AASDH: variants seen among roughly 807,000 people sequenced by gnomAD.
AASDH encodes aminoadipate-semialdehyde dehydrogenase.
AASDH carries 81 observed loss-of-function variants against 102.3 expected under a neutral mutation model. The ratio of observed to expected loss-of-function variants is 0.79; its 90% CI spans 0.66 to 0.95. The LOEUF (loss-of-function observed/expected upper bound fraction) is 0.95. Ranked by LOEUF, AASDH falls within the 40% of genes least tolerant of loss-of-function variation. AASDH has a pLI of 0.00. For missense variants in AASDH, 1,203 were observed against 1,266.2 expected (o/e 0.95, Z 0.76); for synonymous variants, 398 against 454.0 (o/e 0.88, Z 1.57).
chr4:56,365,871 G>A (rs1383999395), intron 5 of AASDH, among the ~76,000 whole-genome samples: 1 of 152,170 alleles, frequency 6.6e-6, no homozygotes, highest in Non-Finnish European at 1.5e-5. Flanking sequence ...ACTAAGATCA[G>A]AGCAGAACTG....
intron 5 of AASDH, among the ~76,000 whole-genome samples, chr4:56,365,670 A>G (rs1043208279): frequency 2.6e-5 from 4 of 152,182 alleles, no homozygotes; most frequent in Non-Finnish European, 4.4e-5. Context: ...TTTGAAACCA[A>G]CGAGAACAAA....
chr4:56,381,172 A>T (rs1752907616), intron 3 of AASDH, among the ~76,000 whole-genome samples: 1 of 152,352 alleles, frequency 6.6e-6, no homozygotes, highest in East Asian at 1.9e-4. Flanking sequence ...AAAAATAAAC[A>T]TCACATCCCC....
At position 56,338,797 on chromosome 4, in the gene AASDH, A is replaced by G. The variant is rs767871867; in HGVS notation, c.2908-6T>C. On this transcript the variant is annotated splice_polypyrimidine_tract_variant and splice_region_variant and intron_variant, in intron 14 of 14. Transcript: ENST00000205214. ...CTGGTAGAGAACTGCCAAACCTATA[A>G]CAAGTAATAAAAATAAATATAATTC... 4 of 1,610,510 alleles carry G rather than the reference A, an allele frequency of 2.5e-6. No individual in the cohort carries two copies. In the East Asian group the frequency reaches 6.7e-5, roughly 27 times the overall value.
intron 3 of AASDH, 71 bp from the exon 4 acceptor site, chr4:56,378,535 T>C (rs868103567): frequency 5.2e-5 from 65 of 1,261,472 alleles, no homozygotes; most frequent in African/African-American, 1.2e-4. Context: ...ATAGAAGTAA[T>C]ATGAAATACA....
chr4:56,339,408 G>A (rs905758259), intron 14 of AASDH, among the ~76,000 whole-genome samples: 6 of 152,082 alleles, frequency 3.9e-5, no homozygotes, highest in Non-Finnish European at 7.3e-5. Context: ...GCCTCCCAAA[G>A]TGCAGAGATT....
intron 5 of AASDH, among the ~76,000 whole-genome samples, chr4:56,367,080 GACAA>G (rs1751107569): frequency 6.6e-6 from 1 of 151,816 alleles, no homozygotes; most frequent in Admixed American, 6.6e-5. Context: ...ACCAATAACA[GACAA>G]ACAGCCAAAT....
chr4:56,375,737 T>A (rs1752260240), intron 4 of AASDH, among the ~76,000 whole-genome samples: 1 of 152,056 alleles, frequency 6.6e-6, no homozygotes, highest in Admixed American at 6.6e-5. Flanking sequence ...CCTCCCACAC[T>A]CTTAGGTATG....
In AASDH at chr4:56,350,054, G is replaced by A. The variant is rs1748824983; in HGVS notation, c.1697C>T (p.Thr566Ile). Reference sequence around the variant, plus strand: ...CAAAAGATCTTCTGGGAGATTCAGAGTAGACTACAGATGAGAGAATAGAGA... The same window carrying A: ...CAAAAGATCTTCTGGGAGATTCAGAATAGACTACAGATGAGAGAATAGAGA... ...WEKLQYLWKS[T>I]LNLPEDLLRV... Residue 566 changes from threonine to isoleucine, a missense_variant, in exon 11 of 15, where the codon ACT (threonine) becomes ATT (isoleucine). Thr to Ile is a moderately conservative substitution (Grantham distance 89). Coordinates refer to ENST00000205214, the MANE Select transcript of AASDH (RefSeq NM_181806.4). 1 of 1,582,402 alleles carries A rather than the reference G, an allele frequency of 6.3e-7. No individual in the cohort carries two copies. The highest frequency in any genetic ancestry group is 8.5e-7 in the Non-Finnish European group (1 of 1,173,814).
chr4:56,354,631 C>G, intron 7 of AASDH, 74 bp downstream of exon 7: 1 of 1,102,410 alleles, frequency 9.1e-7, no homozygotes, highest in Admixed American at 2.4e-5. Flanking sequence ...AAGAAAAAGA[C>G]GAAAGGAATA....
rs1553926519 is a variant in AASDH at position 56,349,586 on chromosome 4, A to T, written c.2165T>A (p.Leu722Ter). The T allele has an allele frequency of 6.2e-7, 1 of 1,614,118 alleles. No homozygotes were observed. Among genetic ancestry groups the T allele is most frequent in the Non-Finnish European group, 8.5e-7 (1 of 1,180,046 alleles). ...CTTCCCAATAAGAACTGGAGAATTT[A>T]AGCCTTTCAAATTTTGAATGTTGGT... ...SQTNIQNLKG[L>*]NSPVLIGKSK... The change falls in exon 11 of 15, where the codon TTA (leucine) becomes TAA (stop). Residue 722 changes from leucine to a stop codon, truncating the protein, a stop_gained. Coordinates refer to ENST00000205214, the MANE Select transcript of AASDH (RefSeq NM_181806.4). LOFTEE classifies it high-confidence loss of function.
chr4:56,354,679 T>A (rs772691823), intron 7 of AASDH, 26 bp downstream of exon 7: 9 of 1,519,914 alleles, frequency 5.9e-6, no homozygotes, highest in Non-Finnish European at 8.0e-6. Flanking sequence ...GAAAAAAAAA[T>A]TCCCAATCAA....
chr4:56,342,092 C>A (rs1577952040), intron 14 of AASDH, among the ~76,000 whole-genome samples: 1 of 117,318 alleles, frequency 8.5e-6, no homozygotes, highest in African/African-American at 3.4e-5. Context: ...AGCCTGGTAA[C>A]AGAGCAAGAT....
In AASDH at chr4:56,349,792, T is replaced by C; in HGVS notation, c.1959A>G (p.Gln653=). 6.2e-7 allele frequency: 1 copy of C among 1,614,222 alleles called. No individual in the cohort carries two copies. The highest frequency in any genetic ancestry group is 8.5e-7 in the Non-Finnish European group (1 of 1,180,042). ...GTAAAGATGTTCCACTGGCTTCCTC[T>C]TGATTAATGTCGCTGAGTTTCCTTT... is the stretch of plus-strand genomic sequence containing the variant. ...ATKRKLSDIN[Q]EEASGTSLHQ... is the part of the protein sequence containing the mutation. Residue 653 remains glutamine, a synonymous_variant, in exon 11 of 15, where the codon CAA becomes CAG. Transcript: ENST00000205214.
chr4:56,384,233 C>G lies in AASDH; in HGVS notation c.67G>C (p.Asp23His). 1 of 1,614,078 alleles carries G rather than the reference C, an allele frequency of 6.2e-7. No homozygotes were observed. The highest frequency in any genetic ancestry group is 8.5e-7 in the Non-Finnish European group (1 of 1,180,006). ...CYMDRVAVCF[D>H]ECNNQLPVYY... ...ACTGGAAGCTGGTTGTTGCATTCATCAAAACATACAGCTACTCTGTCCATA... is the reference window on the plus strand; with the variant it reads ...ACTGGAAGCTGGTTGTTGCATTCATGAAAACATACAGCTACTCTGTCCATA... Residue 23 changes from aspartate to histidine, a missense_variant, in exon 2 of 15, where the codon GAT becomes CAT. Coordinates refer to ENST00000205214, the MANE Select transcript of AASDH (RefSeq NM_181806.4).
In AASDH at chr4:56,343,559, T is replaced by C; in HGVS notation, c.2775+3A>G. The C allele has an allele frequency of 1.2e-6, 2 of 1,601,622 alleles. No homozygotes were observed. Among genetic ancestry groups the C allele is most frequent in the Non-Finnish European group, 1.7e-6 (2 of 1,174,056 alleles). On this transcript the variant is annotated splice_donor_region_variant and intron_variant, in intron 13 of 14. Transcript: ENST00000205214. ...AAATCAATATGTATTATTTTATGCC[T>C]ACAGGATTTACAGCCAGTAAAAGTC... is the stretch of plus-strand genomic sequence containing the variant.
intron 5 of AASDH, among the ~76,000 whole-genome samples, chr4:56,357,145 A>G (rs1330326338): frequency 1.3e-5 from 2 of 152,184 alleles, no homozygotes; most frequent in African/African-American, 4.8e-5. Flanking sequence ...AATAATGAAC[A>G]TAACTGTCTT....
At chr4:56,361,159 C>T (rs769740033) in intron 5 of AASDH, among the ~76,000 whole-genome samples, 20 of 152,188 alleles carry the variant, frequency 1.3e-4, no homozygotes, top group Non-Finnish European at 2.5e-4. Flanking sequence ...CGCCTGTAAT[C>T]CCAACACTTT....
chr4:56,340,993 C>T (rs1747600507), intron 14 of AASDH, among the ~76,000 whole-genome samples: 1 of 152,022 alleles, frequency 6.6e-6, no homozygotes, highest in Admixed American at 6.6e-5. Context: ...GTTAAAATGG[C>T]TATTACTAAA....
intron 13 of AASDH, 37 bp from the exon 14 acceptor site, chr4:56,343,003 C>A: frequency 1.3e-6 from 2 of 1,517,902 alleles, no homozygotes; most frequent in Admixed American, 2.0e-5. Flanking sequence ...CATTTTATGT[C>A]ATCCTACTAA....
Sources: gnomAD v4.1 joint callset for allele counts (sites outside exome capture counted in the v4.1 genomes callset) on GRCh38, gnomAD v4.1.1 for gene constraint, MANE v1.5 for transcripts, NCBI Gene and HGNC (gene_info 2026-07-23, HGNC 2026-07-21) for gene names.